The following MEIS1 variants were observed in gnomAD, a reference collection of about 807,000 sequenced individuals.
MEIS1 encodes the protein Meis homeobox 1.
In MEIS1, 5 loss-of-function variants were observed where a neutral mutation model predicts 50.8. That is an observed-to-expected ratio of 0.10 (90% CI 0.05 to 0.21). The LOEUF (loss-of-function observed/expected upper bound fraction) is 0.21, where lower values mean the gene tolerates loss of function less well. Ranked by LOEUF, MEIS1 falls within the 10% of genes least tolerant of loss-of-function variation. The pLI, the probability that MEIS1 is intolerant of heterozygous loss-of-function variation, is 1.00. For missense variants in MEIS1, 318 were observed against 517.3 expected (o/e 0.61, Z 3.74); for synonymous variants, 176 against 179.3 (o/e 0.98, Z 0.15).
chr2:66,435,764 T>C lies in MEIS1; in HGVS notation c.-93T>C. 1.2e-6 allele frequency: 1 copy of C among 855,406 alleles called. No homozygotes were observed. The highest frequency in any genetic ancestry group is 1.9e-5 in the South Asian group (1 of 52,382). The allele number at this position is 855,406 out of a possible 1,614,324, so 53.0% of individuals were successfully genotyped here. On this transcript the variant is annotated 5_prime_UTR_variant, in exon 1 of 13. Transcript: ENST00000272369. ...CGTGCTTTTTTTTTTTTTTTTTTTT[T>C]TTTCCGGGGGAGTTTGAATATTTGT...
At chr2:66,567,648 T>G (rs1675383044) in intron 10 of MEIS1, 137 bp downstream of exon 10, 1 of 779,252 alleles carries the variant, frequency 1.3e-6, no homozygotes, top group Non-Finnish European at 2.2e-6. Context: ...TAAACCAGTT[T>G]CGTTTCATAA....
chr2:66,503,455 A>T (rs780109837), intron 7 of MEIS1, among the ~76,000 whole-genome samples: 3 of 152,108 alleles, frequency 2.0e-5, no homozygotes, highest in Admixed American at 1.3e-4. Flanking sequence ...GCTCAAGATC[A>T]CTCCAGCCTA....
At position 66,538,792 on chromosome 2, in the gene MEIS1, A is replaced by G. The variant is rs191384984; in HGVS notation, c.889-9151A>G. Among the ~76,000 whole-genome samples, 6 of 152,324 alleles carry G rather than the reference A, an allele frequency of 3.9e-5. No homozygotes were observed. The East Asian group carries it at 9.6e-4, about 24-fold the overall frequency. On this transcript the variant is annotated intron_variant, in intron 8 of 12. Transcript: ENST00000272369. ...ACACCCCAATTTGTTTCAAATCCCA[A>G]TTTGTTTCAAAGCTGACAATTGAAG...
chr2:66,503,775 A>T (rs1048733222), intron 7 of MEIS1, among the ~76,000 whole-genome samples: 11 of 114,826 alleles, frequency 9.6e-5, no homozygotes, highest in South Asian at 2.8e-4. Context: ...GACGGGGTCT[A>T]GCTCTGTCGC....
At chr2:66,546,663 G>A (rs533194067) in intron 8 of MEIS1, among the ~76,000 whole-genome samples, 2 of 152,150 alleles carry the variant, frequency 1.3e-5, no homozygotes, top group Non-Finnish European at 2.9e-5. Context: ...TATACTTGGA[G>A]CTCTTTAGAG....
intron 6 of MEIS1, among the ~76,000 whole-genome samples, chr2:66,444,547 G>A (rs112223136): frequency 2.0e-4 from 31 of 152,240 alleles, no homozygotes; most frequent in Non-Finnish European, 4.4e-4. Flanking sequence ...CTGTGATCTG[G>A]AGAGTTGGAA....
chr2:66,517,764 A>AT (rs1674005463), intron 8 of MEIS1, among the ~76,000 whole-genome samples: 4 of 151,592 alleles, frequency 2.6e-5, no homozygotes, highest in Non-Finnish European at 4.4e-5. Context: ...TTTTTCTGTG[A>AT]TATACATCAT....
intron 7 of MEIS1, among the ~76,000 whole-genome samples, chr2:66,503,454 C>G (rs1673605396): frequency 6.6e-6 from 1 of 152,212 alleles, no homozygotes; most frequent in Non-Finnish European, 1.5e-5. Flanking sequence ...GGCTCAAGAT[C>G]ACTCCAGCCT....
At chr2:66,436,788 A>G (rs1671807556) in intron 1 of MEIS1, 1 of 770,554 alleles carries the variant, frequency 1.3e-6, no homozygotes, top group Admixed American at 6.2e-5. Context: ...TCTTGGGAAA[A>G]TAACTGCCTG....
intron 9 of MEIS1, among the ~76,000 whole-genome samples, chr2:66,564,178 A>G (rs1675282915): frequency 6.6e-6 from 1 of 152,158 alleles, no homozygotes; most frequent in African/African-American, 2.4e-5. Context: ...AGAAAAGGTG[A>G]TTAGTTTTTC....
At chr2:66,459,414 G>A (rs1330064894) in intron 6 of MEIS1, among the ~76,000 whole-genome samples, 1 of 152,204 alleles carries the variant, frequency 6.6e-6, no homozygotes, top group Non-Finnish European at 1.5e-5. Flanking sequence ...TGTAGGCAGT[G>A]AGGAGCAGTC....
At chr2:66,443,698 T>G (rs1208502236) in intron 6 of MEIS1, 1 of 152,336 alleles carries the variant, frequency 6.6e-6, no homozygotes, top group Non-Finnish European at 1.5e-5. Context: ...AAATATGGAC[T>G]TTTCTCCTCC....
Position 66,455,381 on chromosome 2 carries a change from G to A in MEIS1, c.631-8728G>A, listed in dbSNP as rs566490153. Among the ~76,000 whole-genome samples the A allele has an allele frequency of 2.6e-5, 4 of 152,314 alleles. No individual in the cohort carries two copies. The East Asian group carries it at 7.7e-4, about 29-fold the overall frequency. ...GACCACAGTAGGGTCACCATGGGATGATGTTAGCATTGATTGTCAAAGTTA... is the reference window on the plus strand; with the variant it reads ...GACCACAGTAGGGTCACCATGGGATAATGTTAGCATTGATTGTCAAAGTTA... On this transcript the variant is annotated intron_variant, in intron 6 of 12. Transcript: ENST00000272369.
In MEIS1 at chr2:66,502,992, A is replaced by G. The variant is rs75898791; in HGVS notation, c.743-9157A>G. Among the ~76,000 whole-genome samples the G allele has an allele frequency of 6.2e-3, 938 of 152,340 alleles. 10 individuals carry two copies. The highest frequency in any genetic ancestry group is 0.021 in the African/African-American group (876 of 41,576). ...TGCAAAAATACATTTGAAATGTCCA[A>G]GAGGACAACTTATCAATTCATGTCA... On this transcript the variant is annotated intron_variant, in intron 7 of 12. Transcript: ENST00000272369.
intron 8 of MEIS1, among the ~76,000 whole-genome samples, chr2:66,516,700 A>C (rs1414167522): frequency 6.6e-6 from 1 of 152,018 alleles, no homozygotes; most frequent in African/African-American, 2.4e-5. Context: ...CCAGGTTGAG[A>C]ATAGCGTTTC....
intron 7 of MEIS1, among the ~76,000 whole-genome samples, chr2:66,468,261 G>A (rs1278778518): frequency 2.6e-5 from 4 of 152,154 alleles, no homozygotes; most frequent in Admixed American, 2.6e-4. Context: ...GGAACTGTGT[G>A]TTTTGGAGTG....
chr2:66,517,898 A>T (rs901236714), intron 8 of MEIS1, among the ~76,000 whole-genome samples: 2 of 152,192 alleles, frequency 1.3e-5, no homozygotes, highest in Non-Finnish European at 2.9e-5. Flanking sequence ...AGGTCAGGTA[A>T]ACTGAAAAGG....
chr2:66,493,367 T>C (rs1259607214), intron 7 of MEIS1, among the ~76,000 whole-genome samples: 1 of 152,206 alleles, frequency 6.6e-6, no homozygotes, highest in Non-Finnish European at 1.5e-5. Flanking sequence ...CAGTTTAACA[T>C]GAAGCCTTGC....
At chr2:66,542,600 G>A (rs1674682687) in intron 8 of MEIS1, among the ~76,000 whole-genome samples, 1 of 152,088 alleles carries the variant, frequency 6.6e-6, no homozygotes, top group Admixed American at 6.6e-5. Flanking sequence ...CTTTGTTATA[G>A]CCGTTTTGCA....
Sources: allele counts gnomAD v4.1 joint callset (sites outside exome capture counted in the v4.1 genomes callset), GRCh38; gene constraint gnomAD v4.1.1; transcripts MANE v1.5; gene names NCBI Gene and HGNC (gene_info 2026-07-23, HGNC 2026-07-21).